The following ANO10 variants were observed in gnomAD, a reference collection of about 807,000 sequenced individuals.
ANO10 encodes anoctamin 10.
In ANO10, 77 loss-of-function variants were observed where a neutral mutation model predicts 74.7. That is an observed-to-expected ratio of 1.03 (90% CI 0.86 to 1.25). The LOEUF (loss-of-function observed/expected upper bound fraction) is 1.25, where lower values mean the gene tolerates loss of function less well. ANO10 is among the 50% of genes most tolerant of loss of function. ANO10 has a pLI of 0.00. For synonymous variants in ANO10, 279 were observed against 284.9 expected, an observed-to-expected ratio of 0.98 and a Z score of 0.21; for missense variants, 721 against 778.1, an observed-to-expected ratio of 0.93 and a Z score of 0.87.
chr3:43,435,893 A>T (rs2093059498), intron 11 of ANO10, among the ~76,000 whole-genome samples: 1 of 152,198 alleles, frequency 6.6e-6, no homozygotes, highest in African/African-American at 2.4e-5. Flanking sequence ...TGAGGTGGGA[A>T]GACAACACAG....
At chr3:43,645,487 C>CAAA (rs780440860) in intron 1 of ANO10, among the ~76,000 whole-genome samples, 11 of 68,786 alleles carry the variant, frequency 1.6e-4, no homozygotes, top group African/African-American at 4.4e-4. Context: ...GACTCCGTCT[C>CAAA]AAAAAAAAAA....
intron 1 of ANO10, among the ~76,000 whole-genome samples, chr3:43,621,539 T>C (rs917579669): frequency 6.6e-6 from 1 of 151,982 alleles, no homozygotes; most frequent in African/African-American, 2.4e-5. Context: ...CACTGCCTCC[T>C]TCCCCAAAGC....
intron 1 of ANO10, among the ~76,000 whole-genome samples, chr3:43,632,090 A>T (rs910500694): frequency 2.0e-5 from 3 of 151,602 alleles, no homozygotes; most frequent in African/African-American, 4.8e-5. Context: ...AAAAAAAAAG[A>T]AAGTAAGTTA....
At chr3:43,550,499 A>G (rs964305632) in intron 10 of ANO10, among the ~76,000 whole-genome samples, 6 of 152,196 alleles carry the variant, frequency 3.9e-5, no homozygotes, top group Non-Finnish European at 8.8e-5. Context: ...TCTTTAATAC[A>G]AAGTATATGG....
At chr3:43,404,876 C>CAAAA (rs3048939) in intron 12 of ANO10, among the ~76,000 whole-genome samples, 12 of 81,344 alleles carry the variant, frequency 1.5e-4, no homozygotes, top group East Asian at 3.2e-4. Flanking sequence ...GAACCTGTCT[C>CAAAA]AAAAAAAAAA....
At chr3:43,608,789 C>G (rs1484096523) in intron 1 of ANO10, among the ~76,000 whole-genome samples, 2 of 152,062 alleles carry the variant, frequency 1.3e-5, no homozygotes, top group African/African-American at 2.4e-5. Flanking sequence ...CTATGTTGTC[C>G]AGGCTGGTCT....
intron 1 of ANO10, among the ~76,000 whole-genome samples, chr3:43,667,498 T>C (rs2149575825): frequency 6.6e-6 from 1 of 152,212 alleles, no homozygotes; most frequent in Non-Finnish European, 1.5e-5. Context: ...ATAGGTAAGT[T>C]CTTTAGTGGT....
intron 12 of ANO10, among the ~76,000 whole-genome samples, chr3:43,427,016 C>T (rs1420636684): frequency 6.6e-6 from 1 of 152,168 alleles, no homozygotes; most frequent in Non-Finnish European, 1.5e-5. Flanking sequence ...ATAACTGAAT[C>T]CACAGAGCAT....
At chr3:43,690,701 ACTCATTCGGGTGAGT>A (rs1488208005) in intron 1 of ANO10, 3 of 390,216 alleles carry the variant, frequency 7.7e-6, no homozygotes, top group African/African-American at 6.3e-5. Flanking sequence ...AAAACACCTA[ACTCATTCGGGTGAGT>A]CTCGCCAGTC....
In ANO10 at chr3:43,552,905, T is replaced by C. The variant is rs1182406083; in HGVS notation, c.1668+2373A>G. The stretch of plus-strand genomic sequence containing the variant: ...GCCTCCCAGGTTCAAGCAATTCTCC[T>C]GCCTCAGCCTCTCAAGTAGCTGGGA... On this transcript the variant is annotated intron_variant, in intron 10 of 12. Transcript: ENST00000292246. 3.3e-5 allele frequency among the ~76,000 whole-genome samples: 5 copies of C among 152,002 alleles called. No homozygotes were observed. In the East Asian group the frequency reaches 7.7e-4, roughly 23 times the overall value.
intron 11 of ANO10, among the ~76,000 whole-genome samples, chr3:43,444,918 T>G (rs944796629): frequency 4.6e-5 from 7 of 151,952 alleles, no homozygotes; most frequent in Non-Finnish European, 7.4e-5. Flanking sequence ...GGTCAGGAGA[T>G]CGAGACCATC....
chr3:43,643,593 C>A (rs1412942406), intron 1 of ANO10, among the ~76,000 whole-genome samples: 1 of 151,400 alleles, frequency 6.6e-6, no homozygotes, highest in African/African-American at 2.4e-5. Context: ...TCTCACATTT[C>A]TCTCTTTTCA....
At chr3:43,559,135 G>A (rs2079903802) in intron 9 of ANO10, among the ~76,000 whole-genome samples, 1 of 152,154 alleles carries the variant, frequency 6.6e-6, no homozygotes. Context: ...GAATAGCCAT[G>A]CCTCCCTCAC....
chr3:43,666,093 T>G (rs1166748546), intron 1 of ANO10, among the ~76,000 whole-genome samples: 1 of 152,212 alleles, frequency 6.6e-6, no homozygotes, highest in African/African-American at 2.4e-5. Flanking sequence ...CTGTCATATC[T>G]TCAAGGATTT....
chr3:43,592,281 G>A (rs553512968), intron 4 of ANO10, among the ~76,000 whole-genome samples: 46 of 152,358 alleles, frequency 3.0e-4, no homozygotes, highest in African/African-American at 9.4e-4. Flanking sequence ...GGAGATCTGA[G>A]AACGGACAGA....
Position 43,424,138 on chromosome 3 carries a change from G to C in ANO10, c.1914+8473C>G, listed in dbSNP as rs2092862872. The stretch of plus-strand genomic sequence containing the variant: ...TGACTTTGCCCCATTTGAGTGTTGG[G>C]GGGACTCTAATACAGGAAGGTCAAG... On this transcript the variant is annotated intron_variant, in intron 12 of 12. Transcript: ENST00000292246. 2.0e-5 allele frequency among the ~76,000 whole-genome samples: 3 copies of C among 152,186 alleles called. 1 individual carries two copies. In the East Asian group the frequency reaches 5.8e-4, roughly 29 times the overall value.
chr3:43,608,413 T>C (rs1339619244), intron 1 of ANO10, among the ~76,000 whole-genome samples: 2 of 152,092 alleles, frequency 1.3e-5, no homozygotes, highest in East Asian at 1.9e-4. Context: ...TAGTAGCATG[T>C]GCCACCATTC....
chr3:43,509,385 G>A (rs554078353), intron 11 of ANO10, among the ~76,000 whole-genome samples: 47 of 152,138 alleles, frequency 3.1e-4, no homozygotes, highest in African/African-American at 1.0e-3. Flanking sequence ...AATAAAATGG[G>A]CAAAAACATA....
At chr3:43,667,886 A>C (rs2084011214) in intron 1 of ANO10, among the ~76,000 whole-genome samples, 1 of 152,136 alleles carries the variant, frequency 6.6e-6, no homozygotes, top group African/African-American at 2.4e-5. Context: ...ACAATTGCCA[A>C]TCATGGAGAA....
Sources: allele counts gnomAD v4.1 joint callset (sites outside exome capture counted in the v4.1 genomes callset), GRCh38; gene constraint gnomAD v4.1.1; transcripts MANE v1.5; gene names NCBI Gene and HGNC (gene_info 2026-07-23, HGNC 2026-07-21).